Variants in TDRD3 observed in about 807,000 individuals in gnomAD.
TDRD3 encodes the protein tudor domain containing 3, also known as tudor domain-containing protein 3.
A neutral mutation model predicts 86.7 loss-of-function variants in TDRD3; 45 were observed. The ratio of observed to expected loss-of-function variants is 0.52; its 90% CI spans 0.41 to 0.67. The LOEUF (loss-of-function observed/expected upper bound fraction) is 0.67, where lower values mean the gene tolerates loss of function less well. Ranked by LOEUF, TDRD3 falls within the 30% of genes least tolerant of loss-of-function variation. TDRD3 has a pLI of 0.00. For synonymous variants in TDRD3, 298 were observed against 301.7 expected (o/e 0.99, Z 0.13); for missense variants, 814 against 889.0 (o/e 0.92, Z 1.07).
intron 2 of TDRD3, among the ~76,000 whole-genome samples, chr13:60,440,415 G>T (rs1328998938): frequency 6.6e-6 from 1 of 152,022 alleles, no homozygotes; most frequent in Non-Finnish European, 1.5e-5. Flanking sequence ...GGGCATGGTG[G>T]CCCACGCCTG....
intron 10 of TDRD3, among the ~76,000 whole-genome samples, chr13:60,517,947 C>A (rs1018852029): frequency 1.1e-4 from 17 of 152,142 alleles, no homozygotes; most frequent in African/African-American, 4.1e-4. Flanking sequence ...AAATTAAAAC[C>A]AGAACCTGCA....
chr13:60,430,239 T>C (rs934557762), intron 1 of TDRD3, among the ~76,000 whole-genome samples: 2 of 152,192 alleles, frequency 1.3e-5, no homozygotes, highest in African/African-American at 4.8e-5. Context: ...GCATTTCTTA[T>C]GGAAACTTAA....
intron 1 of TDRD3, among the ~76,000 whole-genome samples, chr13:60,436,002 G>T (rs1955088665): frequency 6.7e-6 from 1 of 149,168 alleles, no homozygotes; most frequent in Non-Finnish European, 1.5e-5. Context: ...GCATTTCCCT[G>T]TTGATTAGTG....
At position 60,439,706 on chromosome 13, in the gene TDRD3, C is replaced by T; in HGVS notation, c.60C>T (p.Gly20=). The T allele has an allele frequency of 1.9e-6, 3 of 1,542,602 alleles. No individual in the cohort carries two copies. The highest frequency in any genetic ancestry group is 4.9e-5 in the East Asian group (2 of 40,538). The part of the protein sequence containing the change: ...SQAGWYLSDE[G]IEACTSSPDK... ...TTAACAGGTATCTTTCAGATGAAGG[C>T]ATTGAAGCTTGCACAAGCTCTCCAG... Residue 20 remains glycine (G), a synonymous_variant, in exon 2 of 14, where the codon GGC becomes GGT. Coordinates refer to ENST00000377881, the MANE Select transcript of TDRD3 (RefSeq NM_001146070.2).
chr13:60,455,965 G>T lies in TDRD3; in HGVS notation c.193-4415G>T, dbSNP rs1046126813. Among the ~76,000 whole-genome samples the T allele has an allele frequency of 5.9e-5, 9 of 151,658 alleles. No individual in the cohort carries two copies. The South Asian group carries it at 6.3e-4, about 11-fold the overall frequency. ...CACACCTGTAATCCCAGCTACTAGG[G>T]AGGCTGAGGAAGGAGAATCACTTGA... On this transcript the variant is annotated intron_variant, in intron 3 of 13. Transcript: ENST00000377881.
chr13:60,569,875 T>C (rs1958544218), intron 13 of TDRD3, among the ~76,000 whole-genome samples: 1 of 152,192 alleles, frequency 6.6e-6, no homozygotes, highest in African/African-American at 2.4e-5. Flanking sequence ...CGTATATGGA[T>C]GAATGAAACT....
intron 5 of TDRD3, among the ~76,000 whole-genome samples, chr13:60,472,617 A>G (rs1256013060): frequency 6.6e-6 from 1 of 152,236 alleles, no homozygotes; most frequent in African/African-American, 2.4e-5. Flanking sequence ...CAGTTCCTCA[A>G]AAAATTAAAA....
At chr13:60,567,043 G>A (rs528821133) in intron 12 of TDRD3, among the ~76,000 whole-genome samples, 1 of 152,150 alleles carries the variant, frequency 6.6e-6, no homozygotes, top group East Asian at 1.9e-4. Context: ...CATCAGATGG[G>A]GACAGACAGC....
At chr13:60,454,339 CTG>C (rs1955615750) in intron 3 of TDRD3, among the ~76,000 whole-genome samples, 1 of 151,882 alleles carries the variant, frequency 6.6e-6, no homozygotes, top group Admixed American at 6.6e-5. Context: ...ATTTTGTAGT[CTG>C]TGTTTGATAC....
intron 3 of TDRD3, among the ~76,000 whole-genome samples, chr13:60,456,180 T>TG (rs1247949569): frequency 6.6e-6 from 1 of 152,066 alleles, no homozygotes; most frequent in Non-Finnish European, 1.5e-5. Context: ...TATCCAGATG[T>TG]GATTATACTG....
chr13:60,434,429 C>T (rs1001048753), intron 1 of TDRD3, among the ~76,000 whole-genome samples: 1 of 150,534 alleles, frequency 6.6e-6, no homozygotes, highest in South Asian at 2.1e-4. Context: ...GTTTGTGCCA[C>T]CGCATTCCAG....
intron 5 of TDRD3, among the ~76,000 whole-genome samples, chr13:60,470,283 C>T (rs548466885): frequency 6.6e-6 from 1 of 152,258 alleles, no homozygotes; most frequent in East Asian, 1.9e-4. Flanking sequence ...CATCAATGGA[C>T]ATTAGGGTTG....
At chr13:60,479,924 A>G (rs1956274724) in intron 5 of TDRD3, among the ~76,000 whole-genome samples, 1 of 152,202 alleles carries the variant, frequency 6.6e-6, no homozygotes, top group Non-Finnish European at 1.5e-5. Flanking sequence ...TGGAGACAGC[A>G]AACAGTTGAG....
At chr13:60,411,959 G>A (rs1294344764) in intron 1 of TDRD3, among the ~76,000 whole-genome samples, 3 of 152,164 alleles carry the variant, frequency 2.0e-5, no homozygotes, top group Non-Finnish European at 2.9e-5. Flanking sequence ...GCTGGAATGG[G>A]AAGAACAGCA....
At chr13:60,479,525 G>A (rs570806329) in intron 5 of TDRD3, among the ~76,000 whole-genome samples, 20 of 152,194 alleles carry the variant, frequency 1.3e-4, no homozygotes, top group Non-Finnish European at 2.6e-4. Flanking sequence ...TTGATTGGGT[G>A]TTGAGTTTCA....
intron 3 of TDRD3, 43 bp downstream of exon 3, chr13:60,444,791 CA>C: frequency 8.9e-7 from 1 of 1,124,900 alleles, no homozygotes; most frequent in Non-Finnish European, 1.2e-6. Flanking sequence ...AATTTAGTTA[CA>C]ATAAATATGA....
At chr13:60,544,357 T>G (rs577795724) in intron 12 of TDRD3, among the ~76,000 whole-genome samples, 13 of 151,188 alleles carry the variant, frequency 8.6e-5, no homozygotes, top group African/African-American at 2.2e-4. Flanking sequence ...GATGGGAGGA[T>G]TGCCTGAGCT....
intron 13 of TDRD3, among the ~76,000 whole-genome samples, chr13:60,568,152 A>C (rs1958507729): frequency 6.6e-6 from 1 of 152,158 alleles, no homozygotes; most frequent in African/African-American, 2.4e-5. Context: ...CTGGTTAAAA[A>C]TTAGTTCTGC....
chr13:60,553,516 G>C (rs926600529), intron 12 of TDRD3, among the ~76,000 whole-genome samples: 1 of 150,404 alleles, frequency 6.6e-6, no homozygotes, highest in Admixed American at 6.6e-5. Context: ...CTGCTCTAGA[G>C]ATACTACCTG....
Sources: allele counts gnomAD v4.1 joint callset (sites outside exome capture counted in the v4.1 genomes callset), GRCh38; gene constraint gnomAD v4.1.1; transcripts MANE v1.5; gene names NCBI Gene and HGNC (gene_info 2026-07-23, HGNC 2026-07-21).